ULK2: variants seen among roughly 807,000 people sequenced by gnomAD.
ULK2 encodes serine/threonine-protein kinase ULK2.
A neutral mutation model predicts 127.5 loss-of-function variants in ULK2; 76 were observed. The observed-to-expected ratio is 0.60, with a 90% CI of 0.50 to 0.72. The LOEUF is 0.72. Ranked by LOEUF, ULK2 falls within the 30% of genes least tolerant of loss-of-function variation. The probability of loss-of-function intolerance (pLI) is 0.00; values close to 1 mark genes in which losing one functional copy is unlikely to be tolerated. For missense variants in ULK2, 1,144 were observed against 1,295.9 expected, an observed-to-expected ratio of 0.88 and a Z score of 1.80; for synonymous variants, 452 against 461.9, an observed-to-expected ratio of 0.98 and a Z score of 0.28.
At chr17:19,797,777 G>A in intron 17 of ULK2, 95 bp from the exon 18 acceptor site, 2 of 1,129,228 alleles carry the variant, frequency 1.8e-6, no homozygotes, top group Non-Finnish European at 2.4e-6. Context: ...TGAGAATTCT[G>A]ATAAATATCT....
At chr17:19,860,299 A>G (rs2042214679) in intron 3 of ULK2, among the ~76,000 whole-genome samples, 2 of 152,180 alleles carry the variant, frequency 1.3e-5, no homozygotes, top group Admixed American at 1.3e-4. Flanking sequence ...CTAAACTGAA[A>G]GCTGATTTTT....
chr17:19,859,102 C>T (rs1265702686), intron 3 of ULK2, among the ~76,000 whole-genome samples: 2 of 152,192 alleles, frequency 1.3e-5, no homozygotes, highest in Non-Finnish European at 2.9e-5. Context: ...CCAGCCTGGG[C>T]AACATAGTGA....
intron 24 of ULK2, 80 bp downstream of exon 24, chr17:19,780,906 T>C: frequency 7.6e-7 from 1 of 1,319,742 alleles, no homozygotes; most frequent in Non-Finnish European, 1.1e-6. Flanking sequence ...TGAGTACTCA[T>C]CAGACACTCT....
intron 19 of ULK2, 82 bp from the exon 20 acceptor site, chr17:19,795,807 G>T (rs1469973246): frequency 7.6e-7 from 1 of 1,319,020 alleles, no homozygotes; most frequent in Non-Finnish European, 1.1e-6. Flanking sequence ...TAGAGAATGA[G>T]GAAACAAGAA....
intron 5 of ULK2, among the ~76,000 whole-genome samples, chr17:19,848,577 G>A (rs1286048933): frequency 6.6e-6 from 1 of 152,136 alleles, no homozygotes; most frequent in African/African-American, 2.4e-5. Flanking sequence ...AGGAGTTCGA[G>A]ACCAGCCTGA....
chr17:19,804,982 T>C (rs2087484330), intron 14 of ULK2, 152 bp from the exon 15 acceptor site: 21 of 875,066 alleles, frequency 2.4e-5, no homozygotes, highest in Non-Finnish European at 2.9e-5. Context: ...AAAAAATATA[T>C]AAAGCCAAAA....
At chr17:19,778,431 G>GA (rs1472557349) in intron 25 of ULK2, among the ~76,000 whole-genome samples, 1 of 152,144 alleles carries the variant, frequency 6.6e-6, no homozygotes, top group Non-Finnish European at 1.5e-5. Flanking sequence ...CAGCAGAAGT[G>GA]AATCAGGTGA....
At position 19,772,576 on chromosome 17, in the gene ULK2, C is replaced by T. The variant is rs999000322; in HGVS notation, c.*3773G>A. On this transcript the variant is annotated 3_prime_UTR_variant, in exon 27 of 27. Transcript: ENST00000395544. ...ATAATCCTCCTTGAGAAATACTGAT[C>T]AATCTTGCTTTATTCCAGAAAGAAT... is the stretch of plus-strand genomic sequence containing the variant. The T allele has an allele frequency of 6.6e-6, 1 of 152,200 alleles. No individual in the cohort carries two copies. Among genetic ancestry groups the T allele is most frequent in the African/African-American group, 2.4e-5 (1 of 41,456 alleles). The allele number at this position is 152,200 out of a possible 1,614,324, so 9.4% of individuals were successfully genotyped here.
chr17:19,863,314 T>C (rs1230867377), intron 3 of ULK2, among the ~76,000 whole-genome samples: 2 of 151,808 alleles, frequency 1.3e-5, no homozygotes, highest in Admixed American at 6.6e-5. Context: ...TCACATAACA[T>C]ATACATTTAC....
At chr17:19,861,142 T>A (rs1390816182) in intron 3 of ULK2, 1 of 151,538 alleles carries the variant, frequency 6.6e-6, no homozygotes, top group Non-Finnish European at 1.5e-5. Flanking sequence ...GCAGTCACCC[T>A]GAAATTCCTG....
chr17:19,823,961 C>A (rs968409378), intron 12 of ULK2, among the ~76,000 whole-genome samples: 2 of 152,128 alleles, frequency 1.3e-5, no homozygotes, highest in Admixed American at 6.6e-5. Context: ...TACTATGTGT[C>A]AGACCCTGCA....
At chr17:19,794,131 G>C (rs2087214468) in intron 20 of ULK2, among the ~76,000 whole-genome samples, 1 of 152,128 alleles carries the variant, frequency 6.6e-6, no homozygotes, top group Admixed American at 6.5e-5. Context: ...CAGTGAGATT[G>C]AAGATATGTG....
In ULK2 at chr17:19,780,971, T is replaced by C. The variant is rs1222688944; in HGVS notation, c.2758+15A>G. The stretch of plus-strand genomic sequence containing the variant: ...AGGACTGACCCCTGGAGTTACACGC[T>C]GCCTTCTCCCATACCTTGTTTCACA... On this transcript the variant is annotated intron_variant, in intron 24 of 26. Transcript: ENST00000395544. 1.2e-6 allele frequency: 2 copies of C among 1,612,718 alleles called. No homozygotes were observed. Among genetic ancestry groups the C allele is most frequent in the Non-Finnish European group, 1.7e-6 (2 of 1,178,988 alleles).
rs758958328 is a variant in ULK2 at position 19,795,637 on chromosome 17, G to A, written c.2086C>T (p.Arg696Ter). The change falls in exon 20 of 27, where the codon CGA becomes TGA. Residue 696 changes from arginine to a stop codon, truncating the protein, a stop_gained. Transcript: ENST00000395544. LOFTEE classifies it high-confidence loss of function. ...TTTTTCTTACCTATATCCATTGGTC[G>A]TTCTGTATTTAAACTGTCTGTGCTG... ...QGSTDSLNTE[R>*]PMDIAPAGAC... 4.3e-6 allele frequency: 7 copies of A among 1,613,742 alleles called. No homozygotes were observed. Among genetic ancestry groups the A allele is most frequent in the Non-Finnish European group, 5.1e-6 (6 of 1,179,840 alleles).
chr17:19,780,104 G>A (rs2086887228), intron 25 of ULK2, among the ~76,000 whole-genome samples: 1 of 151,660 alleles, frequency 6.6e-6, no homozygotes, highest in Non-Finnish European at 1.5e-5. Flanking sequence ...AATCTGGGAA[G>A]CAGAGGTTGC....
Position 19,781,214 on chromosome 17 carries a change from C to T in ULK2, c.2640-110G>A. The T allele has an allele frequency of 5.7e-6, 4 of 699,986 alleles. No individual in the cohort carries two copies. The South Asian group carries it at 6.4e-5, about 11-fold the overall frequency. 43.4% of individuals were successfully genotyped at this position (699,986 alleles called of 1,614,324 possible). Reference sequence around the variant, plus strand: ...TGCCTTTCTATAAAGGAATAGCATCCTCTTTGATTTCTTTTCTTCTTTCTT... The same window carrying T: ...TGCCTTTCTATAAAGGAATAGCATCTTCTTTGATTTCTTTTCTTCTTTCTT... On this transcript the variant is annotated intron_variant, in intron 23 of 26. Transcript: ENST00000395544.
chr17:19,857,575 C>T (rs2042160576), intron 3 of ULK2, among the ~76,000 whole-genome samples: 1 of 152,150 alleles, frequency 6.6e-6, no homozygotes, highest in African/African-American at 2.4e-5. Flanking sequence ...TTAAATTAAT[C>T]ATCTTTTTCT....
chr17:19,785,691 T>C (rs563669916), intron 21 of ULK2, among the ~76,000 whole-genome samples: 12 of 152,012 alleles, frequency 7.9e-5, no homozygotes, highest in Admixed American at 2.6e-4. Context: ...TAAAAACATA[T>C]ACAACATATA....
rs987264028 is a variant in ULK2, at chr17:19,785,978, G to C, written c.2210C>G (p.Pro737Arg). 1.9e-6 allele frequency: 3 copies of C among 1,596,130 alleles called. No individual in the cohort carries two copies. The highest frequency in any genetic ancestry group is 4.7e-5 in the East Asian group (2 of 42,620). ...VGSPPHSAAA[P>R]TCTHMFLRTR... ...TCGAAGGAACATGTGGGTACAAGTGGGGGCTGCCGCACTGTGTGGAGGAGA... is the reference window on the plus strand; with the variant it reads ...TCGAAGGAACATGTGGGTACAAGTGCGGGCTGCCGCACTGTGTGGAGGAGA... Residue 737 changes from proline (P) to arginine (R), a missense_variant, in exon 21 of 27, where the codon CCC (proline) becomes CGC (arginine). By Grantham distance (103) the Pro-to-Arg change is moderately radical. Coordinates refer to ENST00000395544, the MANE Select transcript of ULK2 (RefSeq NM_014683.4).
Sources: gnomAD v4.1 joint callset for allele counts (sites outside exome capture counted in the v4.1 genomes callset) on GRCh38, gnomAD v4.1.1 for gene constraint, MANE v1.5 for transcripts, NCBI Gene and HGNC (gene_info 2026-07-23, HGNC 2026-07-21) for gene names.